IFT88: variants seen among roughly 807,000 people sequenced by gnomAD.
IFT88 encodes intraflagellar transport protein 88 homolog.
Under a neutral mutation model 119.5 loss-of-function variants are expected in IFT88, and 74 were observed. The ratio of observed to expected loss-of-function variants is 0.62; its 90% CI spans 0.51 to 0.75. The LOEUF (loss-of-function observed/expected upper bound fraction) is 0.75, where lower values mean the gene tolerates loss of function less well. Ranked by LOEUF, IFT88 falls within the 30% of genes least tolerant of loss-of-function variation. The pLI, the probability that IFT88 is intolerant of heterozygous loss-of-function variation, is 0.00. For synonymous variants in IFT88, 279 were observed against 316.7 expected (o/e 0.88, Z 1.26); for missense variants, 961 against 977.7 (o/e 0.98, Z 0.23).
intron 2 of IFT88, 53 bp downstream of exon 2, chr13:20,574,528 T>A (rs183527107): frequency 7.5e-6 from 7 of 939,584 alleles, no homozygotes; most frequent in Non-Finnish European, 1.7e-6. Flanking sequence ...AGCTGGTTTA[T>A]GAAGACTGTG....
At chr13:20,568,697 C>G (rs777831530) in intron 1 of IFT88, among the ~76,000 whole-genome samples, 1 of 152,120 alleles carries the variant, frequency 6.6e-6, no homozygotes, top group Admixed American at 6.5e-5. Context: ...TTTTATATAT[C>G]TTTTACCAGT....
At chr13:20,572,086 T>C (rs2036476721) in intron 1 of IFT88, among the ~76,000 whole-genome samples, 3 of 152,174 alleles carry the variant, frequency 2.0e-5, no homozygotes, top group African/African-American at 7.2e-5. Context: ...TATGAAAATT[T>C]TCAAACATGC....
intron 16 of IFT88, among the ~76,000 whole-genome samples, chr13:20,633,539 C>G (rs918665864): frequency 6.6e-6 from 1 of 152,148 alleles, no homozygotes; most frequent in Non-Finnish European, 1.5e-5. Context: ...TCTATCATGG[C>G]CATTAAATTT....
Position 20,663,598 on chromosome 13 carries a change from G to A in IFT88, c.2169G>A (p.Arg723=), listed in dbSNP as rs760325014. The change falls in exon 23 of 26, where the codon AGG becomes AGA. Residue 723 remains arginine (R), a synonymous_variant. Coordinates refer to ENST00000351808, the MANE Select transcript of IFT88 (RefSeq NM_006531.5). ...GGTTGGAAAAAATGAAAGAAATAAG[G>A]GAACAGGTATCTCATATGGGCCCCA... ...LKRLEKMKEI[R]EQRIKSGRDG... is the part of the protein sequence containing the mutation. 11 of 1,609,878 alleles carry A rather than the reference G, an allele frequency of 6.8e-6. No individual in the cohort carries two copies. The highest frequency in any genetic ancestry group is 9.3e-6 in the Non-Finnish European group (11 of 1,176,694).
In IFT88 at chr13:20,567,200, C is replaced by T. The variant is rs1156850420; in HGVS notation, c.-63C>T. 1 of 152,312 alleles carries T rather than the reference C, an allele frequency of 6.6e-6. No homozygotes were observed. Among genetic ancestry groups the T allele is most frequent in the Non-Finnish European group, 1.5e-5 (1 of 68,128 alleles). The allele number at this position is 152,312 out of a possible 1,614,324, so 9.4% of individuals were successfully genotyped here. ...CAACGGCTCGGCGTCGCGCTTTGGCCAACCGCTGCGTCGTCCCTGGGCCCG... is the reference window on the plus strand; with the variant it reads ...CAACGGCTCGGCGTCGCGCTTTGGCTAACCGCTGCGTCGTCCCTGGGCCCG... On this transcript the variant is annotated 5_prime_UTR_variant, in exon 1 of 26. Transcript: ENST00000351808.
At chr13:20,605,516 A>G (rs2043280411) in intron 13 of IFT88, among the ~76,000 whole-genome samples, 1 of 152,076 alleles carries the variant, frequency 6.6e-6, no homozygotes, top group Non-Finnish European at 1.5e-5. Flanking sequence ...ACAAAATTCT[A>G]TTTATTTCAT....
Position 20,567,171 on chromosome 13 carries a change from T to C in IFT88, c.-92T>C, listed in dbSNP as rs897834292. The C allele has an allele frequency of 7.2e-5, 11 of 152,156 alleles. No homozygotes were observed. Among genetic ancestry groups the C allele is most frequent in the African/African-American group, 2.2e-4 (9 of 41,428 alleles). 9.4% of individuals were successfully genotyped at this position (152,156 alleles called of 1,614,324 possible). ...GGAGCGGCTTCCTTGGATTCCGCGCTTGGCAACGGCTCGGCGTCGCGCTTT... is the reference window on the plus strand; with the variant it reads ...GGAGCGGCTTCCTTGGATTCCGCGCCTGGCAACGGCTCGGCGTCGCGCTTT... On this transcript the variant is annotated 5_prime_UTR_variant, in exon 1 of 26. Coordinates refer to ENST00000351808, the MANE Select transcript of IFT88 (RefSeq NM_006531.5).
intron 22 of IFT88, among the ~76,000 whole-genome samples, chr13:20,659,703 G>A (rs985351966): frequency 6.6e-6 from 1 of 150,980 alleles, no homozygotes; most frequent in East Asian, 1.9e-4. Flanking sequence ...GAGTGCAGTG[G>A]TGCGATCTCG....
At chr13:20,616,058 C>T (rs187962579) in intron 14 of IFT88, among the ~76,000 whole-genome samples, 179 bp downstream of exon 14, 1 of 152,110 alleles carries the variant, frequency 6.6e-6, no homozygotes, top group Admixed American at 6.5e-5. Flanking sequence ...TAATAAGATA[C>T]TTATTACTCA....
At chr13:20,577,094 A>G (rs1049034817) in intron 2 of IFT88, among the ~76,000 whole-genome samples, 4 of 152,116 alleles carry the variant, frequency 2.6e-5, no homozygotes, top group African/African-American at 7.2e-5. Context: ...TGGTTAAGTT[A>G]ATTTCTAGAT....
chr13:20,605,589 T>C (rs1001356653), intron 13 of IFT88, among the ~76,000 whole-genome samples: 1 of 152,340 alleles, frequency 6.6e-6, no homozygotes, highest in African/African-American at 2.4e-5. Context: ...TGACACCAAA[T>C]GTGTGGTTTT....
At chr13:20,643,345 A>C in intron 18 of IFT88, 110 bp from the exon 19 acceptor site, 1 of 802,878 alleles carries the variant, frequency 1.2e-6, no homozygotes, top group Middle Eastern at 3.5e-4. Flanking sequence ...AACAGTATAC[A>C]ATAGCACATT....
At chr13:20,618,510 T>A (rs115379221) in intron 14 of IFT88, among the ~76,000 whole-genome samples, 1,795 of 152,298 alleles carry the variant, frequency 0.012, 37 homozygotes, top group African/African-American at 0.042. Context: ...AATTTCTGGG[T>A]GTTGGGACAG....
At chr13:20,679,716 C>G (rs553316750) in intron 24 of IFT88, among the ~76,000 whole-genome samples, 3 of 152,216 alleles carry the variant, frequency 2.0e-5, no homozygotes, top group Non-Finnish European at 4.4e-5. Context: ...TGAGCCAATT[C>G]TAACATGTAA....
At chr13:20,665,995 T>A (rs550817915) in intron 23 of IFT88, among the ~76,000 whole-genome samples, 274 of 152,352 alleles carry the variant, frequency 1.8e-3, no homozygotes, top group Non-Finnish European at 2.5e-3. Context: ...GGAATGTTTT[T>A]AATTTTGTTT....
At chr13:20,612,799 T>A (rs1361216697) in intron 13 of IFT88, among the ~76,000 whole-genome samples, 1 of 152,194 alleles carries the variant, frequency 6.6e-6, no homozygotes, top group Non-Finnish European at 1.5e-5. Flanking sequence ...GAAAAAACTC[T>A]TACGTTTATA....
intron 24 of IFT88, among the ~76,000 whole-genome samples, chr13:20,685,229 A>T (rs7333838): frequency 0.21 from 32,158 of 152,158 alleles, 3,937 homozygotes; most frequent in African/African-American, 0.31. Context: ...GTTTATGGCT[A>T]GAGCAGTTTT....
chr13:20,657,789 ATAAAT>A (rs2053097710), intron 22 of IFT88, among the ~76,000 whole-genome samples: 1 of 152,168 alleles, frequency 6.6e-6, no homozygotes, highest in African/African-American at 2.4e-5. Context: ...AAATAAATAA[ATAAAT>A]AAATTTGTTC....
chr13:20,615,123 T>TTATTTCTATATTAATACAGCA (rs1387847688), intron 13 of IFT88, among the ~76,000 whole-genome samples: 3 of 152,184 alleles, frequency 2.0e-5, no homozygotes, highest in Non-Finnish European at 4.4e-5. Context: ...CCTGGAAAGA[T>TTATTTCTATATTAATACAGCA]TATTTCTATA....
Sources: allele counts gnomAD v4.1 joint callset (sites outside exome capture counted in the v4.1 genomes callset), GRCh38; gene constraint gnomAD v4.1.1; transcripts MANE v1.5; gene names NCBI Gene and HGNC (gene_info 2026-07-23, HGNC 2026-07-21).